ST7: variants seen among roughly 807,000 people sequenced by gnomAD.
ST7 encodes suppression of tumorigenicity 7, also known as suppressor of tumorigenicity 7 protein.
In ST7, 28 loss-of-function variants were observed where a neutral mutation model predicts 78.7. The observed-to-expected ratio is 0.36, with a 90% CI of 0.26 to 0.49. ST7 has a LOEUF of 0.49. Ranked by LOEUF, ST7 falls within the 20% of genes least tolerant of loss-of-function variation. The pLI is 0.99. For missense variants in ST7, 418 were observed against 696.0 expected (o/e 0.60, Z 4.49); for synonymous variants, 247 against 249.6 (o/e 0.99, Z 0.10).
intron 1 of ST7, among the ~76,000 whole-genome samples, chr7:116,997,605 A>T (rs1387408393): frequency 1.3e-5 from 2 of 152,000 alleles, no homozygotes; most frequent in African/African-American, 4.8e-5. Context: ...TTAGCTAGAC[A>T]TAAAGATTCT....
intron 1 of ST7, among the ~76,000 whole-genome samples, chr7:117,043,450 A>G (rs1021268584): frequency 3.3e-5 from 5 of 152,206 alleles, no homozygotes; most frequent in Admixed American, 3.3e-4. Context: ...TGAAGAAGTC[A>G]TGTTTGAGCC....
At chr7:116,963,591 C>T (rs537949737) in intron 1 of ST7, among the ~76,000 whole-genome samples, 7 of 151,116 alleles carry the variant, frequency 4.6e-5, no homozygotes, top group African/African-American at 1.7e-4. Context: ...ACTGGTTACA[C>T]TTATACTCTG....
At chr7:117,113,275 T>C (rs925435859) in intron 2 of ST7, among the ~76,000 whole-genome samples, 1 of 152,232 alleles carries the variant, frequency 6.6e-6, no homozygotes, top group South Asian at 2.1e-4. Flanking sequence ...AATTTAAATT[T>C]CCACCACTCT....
At chr7:116,956,600 G>T in intron 1 of ST7, 2 of 471,202 alleles carry the variant, frequency 4.2e-6, no homozygotes, top group South Asian at 3.1e-5. Context: ...GCCCAGCTCT[G>T]TACCTGTAGG....
intron 1 of ST7, among the ~76,000 whole-genome samples, chr7:117,097,326 G>C (rs73477374): frequency 0.059 from 8,616 of 146,870 alleles, 343 homozygotes; most frequent in East Asian, 0.14. Context: ...TATTCTGCTG[G>C]CTTTTTTTTT....
In ST7 at chr7:116,983,407, C is replaced by G. The variant is rs943029776; in HGVS notation, c.151+29716C>G. On this transcript the variant is annotated intron_variant, in intron 1 of 15. Coordinates refer to ENST00000323984, the MANE Select transcript of ST7 (RefSeq NM_001369598.1). ...TGTAACCAGTATCTCTTAATATCCCCCCTCACCTCACTCTGGCTCTGATAT... is the reference window on the plus strand; with the variant it reads ...TGTAACCAGTATCTCTTAATATCCCGCCTCACCTCACTCTGGCTCTGATAT... Among the ~76,000 whole-genome samples, 7 of 152,120 alleles carry G rather than the reference C, an allele frequency of 4.6e-5. No individual in the cohort carries two copies. In the South Asian group the frequency reaches 1.5e-3, roughly 32 times the overall value.
chr7:116,995,977 T>C (rs1794632098), intron 1 of ST7, among the ~76,000 whole-genome samples: 1 of 152,132 alleles, frequency 6.6e-6, no homozygotes, highest in Non-Finnish European at 1.5e-5. Context: ...GATTTCCTAG[T>C]GACTTTATAG....
At chr7:117,195,049 T>C (rs1442474157) in intron 12 of ST7, among the ~76,000 whole-genome samples, 1 of 152,244 alleles carries the variant, frequency 6.6e-6, no homozygotes, top group Admixed American at 6.5e-5. Flanking sequence ...ACAGGCAGTA[T>C]TAAATATGTC....
chr7:117,216,371 C>T lies in ST7; in HGVS notation c.1406-2713C>T, dbSNP rs567366799. Among the ~76,000 whole-genome samples, 6 of 152,222 alleles carry T rather than the reference C, an allele frequency of 3.9e-5. No individual in the cohort carries two copies. In the East Asian group the frequency reaches 1.2e-3, roughly 29 times the overall value. ...TAACTTTTTTGTTTTGTTTTTAACCCAATACATGTGTATTTTTAATTCCTC... is the reference window on the plus strand; with the variant it reads ...TAACTTTTTTGTTTTGTTTTTAACCTAATACATGTGTATTTTTAATTCCTC... On this transcript the variant is annotated intron_variant, in intron 13 of 15. Transcript: ENST00000323984.
rs115778708 is a variant in ST7 at position 116,955,383 on chromosome 7, C to G, written c.151+1692C>G. 5.3e-3 allele frequency among the ~76,000 whole-genome samples: 803 copies of G among 152,128 alleles called. 5 individuals carry two copies. Among genetic ancestry groups the G allele is most frequent in the African/African-American group, 0.017 (713 of 41,412 alleles). ...GGGACTGGCATGTGGGGAGGTCCTT[C>G]TTGCTGTCATCCCTTGGTGGAAGGT... On this transcript the variant is annotated intron_variant, in intron 1 of 15. Coordinates refer to ENST00000323984, the MANE Select transcript of ST7 (RefSeq NM_001369598.1).
At chr7:117,127,796 A>G (rs535957361) in intron 3 of ST7, among the ~76,000 whole-genome samples, 1 of 151,962 alleles carries the variant, frequency 6.6e-6, no homozygotes, top group Non-Finnish European at 1.5e-5. Context: ...CTTCTTAAAT[A>G]AAGAGCATCT....
At position 117,014,205 on chromosome 7, in the gene ST7, CT is replaced by C. The variant is rs1318291592; in HGVS notation, c.151+60518del. Among the ~76,000 whole-genome samples the C allele has an allele frequency of 2.0e-5, 3 of 152,280 alleles. No individual in the cohort carries two copies. In the East Asian group the frequency reaches 5.8e-4, roughly 29 times the overall value. On this transcript the variant is annotated intron_variant, in intron 1 of 15. Coordinates refer to ENST00000323984, the MANE Select transcript of ST7 (RefSeq NM_001369598.1). ...AAGTAAAAATTTATTTATGTTTCGT[CT>C]TTTGGCAAGGTAAATAATTGTATCA...
intron 1 of ST7, among the ~76,000 whole-genome samples, chr7:117,003,664 C>CT (rs1175862342): frequency 6.6e-6 from 1 of 151,548 alleles, no homozygotes; most frequent in Non-Finnish European, 1.5e-5. Context: ...ACCTCCTGGG[C>CT]TCAAGTGATC....
chr7:117,076,522 G>A (rs942302980), intron 1 of ST7: 1 of 152,276 alleles, frequency 6.6e-6, no homozygotes, highest in African/African-American at 2.4e-5. Context: ...TTATGGGAGG[G>A]AGTATGCGAG....
intron 2 of ST7, among the ~76,000 whole-genome samples, chr7:117,100,416 A>C (rs1422122464): frequency 6.6e-6 from 1 of 152,190 alleles, no homozygotes; most frequent in Non-Finnish European, 1.5e-5. Flanking sequence ...CAGAGGTTGC[A>C]GTAGCCGAGA....
chr7:116,976,503 T>G (rs533474090), intron 1 of ST7, among the ~76,000 whole-genome samples: 1 of 152,168 alleles, frequency 6.6e-6, no homozygotes, highest in Non-Finnish European at 1.5e-5. Flanking sequence ...CTAGGACATG[T>G]TTTCCTCATG....
At chr7:116,956,808 G>A (rs1278840442) in intron 1 of ST7, 1 of 366,184 alleles carries the variant, frequency 2.7e-6, no homozygotes, top group Non-Finnish European at 5.4e-6. Context: ...AGATGAATGA[G>A]TTTGTAAAAC....
At chr7:117,196,624 C>CTTTTTTTTTTTTTTTTT (rs56133709) in intron 12 of ST7, among the ~76,000 whole-genome samples, 5 of 59,504 alleles carry the variant, frequency 8.4e-5, no homozygotes, top group African/African-American at 3.3e-4. Context: ...GATTGTTGGG[C>CTTTTTTTTTTTTTTTTT]TTTTTTTTTT....
At chr7:117,152,365 C>A (rs1806362719) in intron 9 of ST7, among the ~76,000 whole-genome samples, 1 of 151,460 alleles carries the variant, frequency 6.6e-6, no homozygotes, top group African/African-American at 2.4e-5. Flanking sequence ...TTACATAAGG[C>A]TACTGTCCCA....
Sources: gnomAD v4.1 joint callset for allele counts (sites outside exome capture counted in the v4.1 genomes callset) on GRCh38, gnomAD v4.1.1 for gene constraint, MANE v1.5 for transcripts, NCBI Gene and HGNC (gene_info 2026-07-23, HGNC 2026-07-21) for gene names.